The following CRYBA1 variants were observed in gnomAD, a reference collection of about 807,000 sequenced individuals.
CRYBA1 encodes the protein crystallin beta A1, also known as beta-crystallin A3.
CRYBA1 carries 25 observed loss-of-function variants against 36.2 expected under a neutral mutation model. That is an observed-to-expected ratio of 0.69 (90% CI 0.50 to 0.97). The LOEUF (loss-of-function observed/expected upper bound fraction) is 0.97. Among genes scored for constraint, CRYBA1 ranks in the 50% least tolerant of loss-of-function variants. The pLI is 0.00. For synonymous variants in CRYBA1, 111 were observed against 90.0 expected, an observed-to-expected ratio of 1.23 and a Z score of -1.32; for missense variants, 224 against 276.3, an observed-to-expected ratio of 0.81 and a Z score of 1.34.
At chr17:29,249,266 C>T in intron 2 of CRYBA1, 60 bp downstream of exon 2, 2 of 1,197,836 alleles carry the variant, frequency 1.7e-6, no homozygotes, top group Non-Finnish European at 2.5e-6. Context: ...AGAGCAGGCC[C>T]CAGGCCTGTG....
chr17:29,247,314 C>G (rs1376169062), intron 1 of CRYBA1, among the ~76,000 whole-genome samples: 1 of 152,180 alleles, frequency 6.6e-6, no homozygotes, highest in Non-Finnish European at 1.5e-5. Context: ...TTCTTCCCTT[C>G]CTCCCCCACT....
At chr17:29,249,096 C>T (rs776317220) in intron 1 of CRYBA1, 46 bp from the exon 2 acceptor site, 1 of 1,293,416 alleles carries the variant, frequency 7.7e-7, no homozygotes, top group East Asian at 2.3e-5. Flanking sequence ...CTCACCTCCC[C>T]CTCCTCCCAA....
intron 1 of CRYBA1, among the ~76,000 whole-genome samples, chr17:29,247,490 T>C (rs186324685): frequency 5.7e-4 from 87 of 152,232 alleles, no homozygotes; most frequent in Non-Finnish European, 1.1e-3. Context: ...TGAATGCATG[T>C]AAAGCATTTA....
intron 1 of CRYBA1, among the ~76,000 whole-genome samples, chr17:29,247,858 T>C (rs1288063382): frequency 1.3e-5 from 2 of 152,352 alleles, no homozygotes; most frequent in East Asian, 3.9e-4. Context: ...GGCTCATGCC[T>C]GTAATCGCAG....
In CRYBA1 at chr17:29,253,664, A is replaced by G. The variant is rs961996252; in HGVS notation, c.382A>G (p.Ile128Val). The change falls in exon 5 of 6, where the codon ATC becomes GTC. Residue 128 changes from isoleucine to valine, a missense_variant. Physicochemically the swap from Ile to Val is conservative, Grantham distance 29 (BLOSUM62 3). Coordinates refer to ENST00000225387, the MANE Select transcript of CRYBA1 (RefSeq NM_005208.5). ...GAATCATAAGGAGTCTAAGATGACC[A>G]TCTTTGAGAAGGAAAACTTTATTGG... ...SANHKESKMT[I>V]FEKENFIGRQ... The G allele has an allele frequency of 1.9e-6, 3 of 1,613,856 alleles. No homozygotes were observed. Among genetic ancestry groups the G allele is most frequent in the African/African-American group, 2.7e-5 (2 of 74,942 alleles).
chr17:29,251,140 A>C (rs551491439), intron 3 of CRYBA1, among the ~76,000 whole-genome samples: 1 of 152,326 alleles, frequency 6.6e-6, no homozygotes, highest in South Asian at 2.1e-4. Flanking sequence ...AGGAAGAAAA[A>C]AGACTAGTAA....
intron 2 of CRYBA1, 80 bp from the exon 3 acceptor site, chr17:29,250,102 A>G (rs2068926176): frequency 1.2e-6 from 1 of 833,792 alleles, no homozygotes; most frequent in South Asian, 1.3e-5. Flanking sequence ...GCACAGAGTC[A>G]GACTGAAGTT....
In CRYBA1 at chr17:29,249,122, G is replaced by A. The variant is rs752001488; in HGVS notation, c.32-20G>A. The A allele has an allele frequency of 3.8e-6, 6 of 1,576,080 alleles. No individual in the cohort carries two copies. Among genetic ancestry groups the A allele is most frequent in the South Asian group, 1.1e-5 (1 of 90,340 alleles). On this transcript the variant is annotated intron_variant, in intron 1 of 5. Coordinates refer to ENST00000225387, the MANE Select transcript of CRYBA1 (RefSeq NM_005208.5). Reference sequence around the variant, plus strand: ...CTCCTCCCAAGAGGCCACATCATTCGTGTGTGCTCTGTCTTCCAGAAACCC... The same window carrying A: ...CTCCTCCCAAGAGGCCACATCATTCATGTGTGCTCTGTCTTCCAGAAACCC...
chr17:29,249,701 G>T (rs1311455028), intron 2 of CRYBA1, among the ~76,000 whole-genome samples: 1 of 152,162 alleles, frequency 6.6e-6, no homozygotes, highest in Non-Finnish European at 1.5e-5. Context: ...TTTGCGAGTG[G>T]TCCTCTGGCC....
At chr17:29,250,757 C>A (rs371772813) in intron 3 of CRYBA1, among the ~76,000 whole-genome samples, 13 of 151,988 alleles carry the variant, frequency 8.6e-5, no homozygotes, top group African/African-American at 2.9e-4. Context: ...AAAAAAAAAA[C>A]CTTAACCCCA....
At position 29,252,052 on chromosome 17, in the gene CRYBA1, TG is replaced by T; in HGVS notation, c.216-11del. 6.2e-7 allele frequency: 1 copy of T among 1,614,166 alleles called. No individual in the cohort carries two copies. Among genetic ancestry groups the T allele is most frequent in the Non-Finnish European group, 8.5e-7 (1 of 1,180,028 alleles). ...TTGAACACCATGAACAAACACTACATGTCTTTGGCAGCTGGATTGGTTATGA... is the reference window on the plus strand; with the variant it reads ...TTGAACACCATGAACAAACACTACATTCTTTGGCAGCTGGATTGGTTATGA... On this transcript the variant is annotated splice_polypyrimidine_tract_variant and intron_variant, in intron 3 of 5. Coordinates refer to ENST00000225387, the MANE Select transcript of CRYBA1 (RefSeq NM_005208.5).
intron 2 of CRYBA1, 52 bp downstream of exon 2, chr17:29,249,258 A>T: frequency 8.0e-7 from 1 of 1,245,452 alleles, no homozygotes; most frequent in Non-Finnish European, 1.2e-6. Context: ...TGCTGCACAG[A>T]GCAGGCCCCA....
intron 3 of CRYBA1, among the ~76,000 whole-genome samples, chr17:29,250,658 A>G (rs958804464): frequency 6.6e-6 from 1 of 152,130 alleles, no homozygotes; most frequent in Non-Finnish European, 1.5e-5. Context: ...GAAAATTGGT[A>G]GAGAAGAAAG....
In CRYBA1 at chr17:29,253,988, G is replaced by C. The variant is rs569175493; in HGVS notation, c.500+206G>C. On this transcript the variant is annotated intron_variant, in intron 5 of 5. Transcript: ENST00000225387. ...GACATGCCTCTATGGAAGAATTTACGTTGACTACTTATACCTGTTTTGATG... is the reference window on the plus strand; with the variant it reads ...GACATGCCTCTATGGAAGAATTTACCTTGACTACTTATACCTGTTTTGATG... Among the ~76,000 whole-genome samples, 5 of 152,232 alleles carry C rather than the reference G, an allele frequency of 3.3e-5. No homozygotes were observed. In the East Asian group the frequency reaches 5.8e-4, roughly 18 times the overall value.
intron 2 of CRYBA1, among the ~76,000 whole-genome samples, chr17:29,249,449 C>T (rs900593744): frequency 6.6e-6 from 1 of 152,214 alleles, no homozygotes; most frequent in Non-Finnish European, 1.5e-5. Flanking sequence ...CCTAACTCCT[C>T]TCTCCTCCCC....
chr17:29,252,071 G>A lies in CRYBA1; in HGVS notation c.223G>A (p.Gly75Ser). 6.2e-7 allele frequency: 1 copy of A among 1,614,164 alleles called. No individual in the cohort carries two copies. Among genetic ancestry groups the A allele is most frequent in the Middle Eastern group, 1.6e-4 (1 of 6,062 alleles). The change falls in exon 4 of 6, where the codon GGT becomes AGT. Residue 75 changes from glycine to serine, a missense_variant. Gly to Ser is a moderately conservative substitution (Grantham distance 56). Transcript: ENST00000225387. ...SLKVESGAWI[G>S]YEHTSFCGQQ... ...ACTACATGTCTTTGGCAGCTGGATT[G>A]GTTATGAGCATACCAGCTTCTGTGG...
chr17:29,250,732 G>A (rs760585533), intron 3 of CRYBA1, among the ~76,000 whole-genome samples: 1 of 151,960 alleles, frequency 6.6e-6, no homozygotes, highest in African/African-American at 2.4e-5. Context: ...GACACTGTTA[G>A]CTAATTTCTT....
At position 29,252,139 on chromosome 17, in the gene CRYBA1, T is replaced by C; in HGVS notation, c.291T>C (p.Asp97=). 1 of 1,614,152 alleles carries C rather than the reference T, an allele frequency of 6.2e-7. No homozygotes were observed. Among genetic ancestry groups the C allele is most frequent in the Non-Finnish European group, 8.5e-7 (1 of 1,180,034 alleles). Residue 97 remains aspartate, a synonymous_variant, in exon 4 of 6, where the codon GAT becomes GAC. Transcript: ENST00000225387. ...AGAGAGGAGAATACCCTCGCTGGGATGCCTGGAGTGGGAGTAATGCCTACC... is the reference window on the plus strand; with the variant it reads ...AGAGAGGAGAATACCCTCGCTGGGACGCCTGGAGTGGGAGTAATGCCTACC... ...ILERGEYPRW[D]AWSGSNAYHI...
At position 29,252,109 on chromosome 17, in the gene CRYBA1, C is replaced by A; in HGVS notation, c.261C>A (p.Ile87=). Residue 87 remains isoleucine (I), a synonymous_variant, in exon 4 of 6, where the codon ATC becomes ATA. Coordinates refer to ENST00000225387, the MANE Select transcript of CRYBA1 (RefSeq NM_005208.5). ...EHTSFCGQQF[I]LERGEYPRWD... ...CCAGCTTCTGTGGGCAACAGTTTAT[C>A]CTGGAGAGAGGAGAATACCCTCGCT... The A allele has an allele frequency of 6.2e-7, 1 of 1,614,110 alleles. No individual in the cohort carries two copies. The highest frequency in any genetic ancestry group is 8.5e-7 in the Non-Finnish European group (1 of 1,180,028).
Sources: gnomAD v4.1 joint callset for allele counts (sites outside exome capture counted in the v4.1 genomes callset) on GRCh38, gnomAD v4.1.1 for gene constraint, MANE v1.5 for transcripts, NCBI Gene and HGNC (gene_info 2026-07-23, HGNC 2026-07-21) for gene names.